Variants in PPARG observed in about 807,000 individuals in gnomAD.
PPARG encodes the protein peroxisome proliferator activated receptor gamma.
A neutral mutation model predicts 39.2 loss-of-function variants in PPARG; 17 were observed. That is an observed-to-expected ratio of 0.43 (90% CI 0.30 to 0.65). The LOEUF is 0.65. Ranked by LOEUF, PPARG falls within the 30% of genes least tolerant of loss-of-function variation. PPARG has a pLI of 0.13. For synonymous variants in PPARG, 223 were observed against 215.7 expected (o/e 1.03, Z -0.30); for missense variants, 406 against 585.9 (o/e 0.69, Z 3.17).
chr3:12,314,579 A>T (rs2047337360), intron 2 of PPARG, among the ~76,000 whole-genome samples: 1 of 152,114 alleles, frequency 6.6e-6, no homozygotes, highest in Non-Finnish European at 1.5e-5. Context: ...GCTTTAACCT[A>T]AATACAAACA....
intron 7 of PPARG, among the ~76,000 whole-genome samples, chr3:12,424,165 C>T (rs575539395): frequency 2.6e-5 from 4 of 152,302 alleles, no homozygotes; most frequent in Non-Finnish European, 4.4e-5. Context: ...TATGAGTTCT[C>T]AACTGGCACC....
At chr3:12,415,025 A>G (rs1218316005) in intron 6 of PPARG, among the ~76,000 whole-genome samples, 1 of 152,256 alleles carries the variant, frequency 6.6e-6, no homozygotes, top group Non-Finnish European at 1.5e-5. Flanking sequence ...TGAAAATCAT[A>G]GAGTTCCATA....
At chr3:12,345,454 G>C (rs2048299632) in intron 2 of PPARG, among the ~76,000 whole-genome samples, 3 of 152,008 alleles carry the variant, frequency 2.0e-5, no homozygotes, top group Admixed American at 2.0e-4. Flanking sequence ...CATGACTGTT[G>C]GCATTAAGGA....
At chr3:12,365,394 G>A (rs1273736902) in intron 2 of PPARG, among the ~76,000 whole-genome samples, 4 of 152,088 alleles carry the variant, frequency 2.6e-5, no homozygotes, top group Non-Finnish European at 5.9e-5. Context: ...ATGAAGTCCA[G>A]ATAATCAGTT....
chr3:12,404,179 C>A (rs908644091), intron 5 of PPARG, among the ~76,000 whole-genome samples: 2 of 152,040 alleles, frequency 1.3e-5, no homozygotes, highest in Non-Finnish European at 2.9e-5. Context: ...TATGAAGAGG[C>A]CATGTACCAA....
chr3:12,351,526 T>C, intron 2 of PPARG: 1 of 1,217,938 alleles, frequency 8.2e-7, no homozygotes, highest in Non-Finnish European at 1.2e-6. Context: ...TTTTAACGGA[T>C]TGATCTTTTG....
chr3:12,399,256 T>G (rs1575115144), intron 5 of PPARG: 1 of 415,408 alleles, frequency 2.4e-6, no homozygotes, highest in East Asian at 7.3e-5. Flanking sequence ...AAGAAAATGT[T>G]TAAATGTCCT....
chr3:12,339,309 G>A (rs1003151072), intron 2 of PPARG, among the ~76,000 whole-genome samples: 1 of 152,136 alleles, frequency 6.6e-6, no homozygotes, highest in African/African-American at 2.4e-5. Flanking sequence ...TGGGATTGGG[G>A]GTAGTAATTG....
At chr3:12,391,392 G>C (rs2050071666) in intron 4 of PPARG, among the ~76,000 whole-genome samples, 1 of 152,140 alleles carries the variant, frequency 6.6e-6, no homozygotes, top group Non-Finnish European at 1.5e-5. Context: ...GCAGGGACAG[G>C]CCACAGTATT....
At chr3:12,296,254 CAAAAAAAA>C (rs545210244) in intron 1 of PPARG, among the ~76,000 whole-genome samples, 25 of 48,650 alleles carry the variant, frequency 5.1e-4, no homozygotes, top group African/African-American at 1.9e-3. Context: ...CACTTTGTCT[CAAAAAAAA>C]AAAAAAAAAA....
chr3:12,389,193 T>A (rs188500287), intron 4 of PPARG, among the ~76,000 whole-genome samples: 1 of 152,312 alleles, frequency 6.6e-6, no homozygotes, highest in Admixed American at 6.5e-5. Flanking sequence ...TATATTTTCA[T>A]GTTATTTTGC....
In PPARG at chr3:12,429,322, C is replaced by T. The variant is rs921142206; in HGVS notation, c.1181-4576C>T. On this transcript the variant is annotated intron_variant, in intron 7 of 7. Coordinates refer to ENST00000651735, the MANE Select transcript of PPARG (RefSeq NM_138711.6). Reference sequence around the variant, plus strand: ...CCGGAGCCAAGTGTTTCCAGCAAGCCCTGATCAGTTGCATGTTAGTCCTTG... The same window carrying T: ...CCGGAGCCAAGTGTTTCCAGCAAGCTCTGATCAGTTGCATGTTAGTCCTTG... 8.6e-4 allele frequency among the ~76,000 whole-genome samples: 131 copies of T among 152,030 alleles called. 1 individual carries two copies. Among genetic ancestry groups the T allele is most frequent in the South Asian group, 2.1e-4 (1 of 4,826 alleles).
At chr3:12,419,581 G>T (rs1033429196) in intron 7 of PPARG, among the ~76,000 whole-genome samples, 3 of 151,862 alleles carry the variant, frequency 2.0e-5, no homozygotes, top group Non-Finnish European at 4.4e-5. Flanking sequence ...TGACTCTCCT[G>T]CCTCAGCCTC....
At chr3:12,385,204 A>C (rs1317541624) in intron 4 of PPARG, among the ~76,000 whole-genome samples, 1 of 152,226 alleles carries the variant, frequency 6.6e-6, no homozygotes, top group Non-Finnish European at 1.5e-5. Context: ...CTGTTGTAGT[A>C]AAATGTGGGT....
At chr3:12,421,283 C>G (rs961941742) in intron 7 of PPARG, among the ~76,000 whole-genome samples, 1 of 152,230 alleles carries the variant, frequency 6.6e-6, no homozygotes, top group African/African-American at 2.4e-5. Flanking sequence ...AAGCCAGGAA[C>G]AGCGCTTCCT....
chr3:12,306,692 A>T (rs2047074090), intron 1 of PPARG, among the ~76,000 whole-genome samples: 1 of 152,232 alleles, frequency 6.6e-6, no homozygotes, highest in African/African-American at 2.4e-5. Flanking sequence ...ACTGCAAATC[A>T]GCTTATGTGT....
chr3:12,347,129 A>G (rs1046717861), intron 2 of PPARG, among the ~76,000 whole-genome samples: 4 of 151,582 alleles, frequency 2.6e-5, no homozygotes, highest in Non-Finnish European at 5.9e-5. Flanking sequence ...GTAGGTTGCA[A>G]TGAGCCTAGA....
chr3:12,376,744 T>C (rs2049427401), intron 2 of PPARG, among the ~76,000 whole-genome samples: 1 of 152,250 alleles, frequency 6.6e-6, no homozygotes. Context: ...CTGCCCCTTC[T>C]GCTGAAACTT....
At chr3:12,313,359 C>A (rs1413416868) in intron 2 of PPARG, among the ~76,000 whole-genome samples, 1 of 152,092 alleles carries the variant, frequency 6.6e-6, no homozygotes, top group Non-Finnish European at 1.5e-5. Context: ...CAAACTAGAT[C>A]GTGGTTTCCA....
Sources: allele counts gnomAD v4.1 joint callset (sites outside exome capture counted in the v4.1 genomes callset), GRCh38; gene constraint gnomAD v4.1.1; transcripts MANE v1.5; gene names NCBI Gene and HGNC (gene_info 2026-07-23, HGNC 2026-07-21).